Variants in SPATA7 observed in about 807,000 individuals in gnomAD.
SPATA7 encodes spermatogenesis-associated protein 7.
Under a neutral mutation model 51.8 loss-of-function variants are expected in SPATA7, and 43 were observed. That is an observed-to-expected ratio of 0.83 (90% confidence interval 0.65 to 1.07). The LOEUF (loss-of-function observed/expected upper bound fraction) is 1.07, where lower values mean the gene tolerates loss of function less well. Ranked by LOEUF, SPATA7 falls within the 50% of genes least tolerant of loss-of-function variation. The probability of loss-of-function intolerance (pLI) is 0.00; values close to 1 mark genes in which losing one functional copy is unlikely to be tolerated. For synonymous variants in SPATA7, 230 were observed against 252.8 expected, an observed-to-expected ratio of 0.91 and a Z score of 0.86; for missense variants, 683 against 701.3, an observed-to-expected ratio of 0.97 and a Z score of 0.30.
intron 4 of SPATA7, among the ~76,000 whole-genome samples, chr14:88,409,530 CA>C (rs201080812): frequency 0.015 from 2,237 of 151,354 alleles, 49 homozygotes; most frequent in African/African-American, 0.047. Context: ...TTCATCTTTT[CA>C]AAAAAACAGC....
At chr14:88,412,701 G>GT (rs564651138) in intron 4 of SPATA7, among the ~76,000 whole-genome samples, 1 of 152,134 alleles carries the variant, frequency 6.6e-6, no homozygotes, top group Non-Finnish European at 1.5e-5. Context: ...CTTGATATTA[G>GT]TTTTTTGTCA....
intron 10 of SPATA7, among the ~76,000 whole-genome samples, chr14:88,435,468 T>C (rs545029212): frequency 6.6e-6 from 1 of 152,304 alleles, no homozygotes; most frequent in South Asian, 2.1e-4. Flanking sequence ...ATTTTAAATG[T>C]ACAATTAAGT....
At chr14:88,451,241 C>G (rs2077248398) in intron 3 of SPATA7, among the ~76,000 whole-genome samples, 1 of 152,186 alleles carries the variant, frequency 6.6e-6, no homozygotes, top group South Asian at 2.1e-4. Context: ...GCAATCTTGG[C>G]TACCTGCAAC....
At chr14:88,431,952 T>C (rs1318505441) in intron 9 of SPATA7, among the ~76,000 whole-genome samples, 1 of 152,228 alleles carries the variant, frequency 6.6e-6, no homozygotes, top group Non-Finnish European at 1.5e-5. Context: ...CGAATTTTTT[T>C]GAGAAATAAT....
chr14:88,447,455 A>C (rs1017410198), intron 3 of SPATA7, among the ~76,000 whole-genome samples: 5,567 of 151,838 alleles, frequency 0.037, 331 homozygotes, highest in African/African-American at 0.13. Flanking sequence ...CAGTCTGTAT[A>C]TTTTAATTGG....
In SPATA7 at chr14:88,447,505, G is replaced by A. The variant is rs552295737; in HGVS notation, c.178-7555G>A. Among the ~76,000 whole-genome samples, 120 of 152,184 alleles carry A rather than the reference G, an allele frequency of 7.9e-4. 2 individuals carry two copies. Among genetic ancestry groups the A allele is most frequent in the Non-Finnish European group, 1.0e-3 (69 of 68,034 alleles). ...TTACATTTAAAGTTAATATTGTAATGTGTGAATTTGATCCTGTCATTATGA... is the reference window on the plus strand; with the variant it reads ...TTACATTTAAAGTTAATATTGTAATATGTGAATTTGATCCTGTCATTATGA... On this transcript the variant is annotated intron_variant, in intron 3 of 3. Coordinates refer to the SPATA7 transcript ENST00000554802.
At chr14:88,386,199 T>G (rs2075570337) in intron 1 of SPATA7, among the ~76,000 whole-genome samples, 1 of 152,140 alleles carries the variant, frequency 6.6e-6, no homozygotes, top group Non-Finnish European at 1.5e-5. Context: ...CTGCTCTCCA[T>G]GGAGACGACC....
chr14:88,426,954 C>A (rs967967196), intron 6 of SPATA7, among the ~76,000 whole-genome samples: 4 of 152,056 alleles, frequency 2.6e-5, no homozygotes, highest in Non-Finnish European at 5.9e-5. Flanking sequence ...AAGCGTGGTT[C>A]AAGAATTGTG....
intron 7 of SPATA7, 84 bp downstream of exon 7, chr14:88,427,780 CTG>C (rs1231638801): frequency 4.8e-5 from 48 of 993,374 alleles, no homozygotes; most frequent in Non-Finnish European, 6.5e-5. Flanking sequence ...GCTATTTAGA[CTG>C]TGAAGAATAA....
At chr14:88,390,769 TGA>T (rs1388513813) in intron 1 of SPATA7, among the ~76,000 whole-genome samples, 4 of 152,184 alleles carry the variant, frequency 2.6e-5, no homozygotes, top group Non-Finnish European at 4.4e-5. Flanking sequence ...GAGGTTTTTC[TGA>T]GAGTTTGTTG....
At chr14:88,465,052 C>T (rs1395960251) in intron 4 of SPATA7, among the ~76,000 whole-genome samples, 3 of 152,182 alleles carry the variant, frequency 2.0e-5, no homozygotes, top group Non-Finnish European at 4.4e-5. Flanking sequence ...AGCACAGGCC[C>T]AGCTTCTAAT....
exon 5 of SPATA7, chr14:88,470,222 GAA>G: frequency 6.3e-6 from 4 of 637,298 alleles, no homozygotes; most frequent in Non-Finnish European, 8.0e-6. Flanking sequence ...TTTCCCTTGT[GAA>G]TACAATTTGC....
rs2077411065 is a variant in SPATA7 at position 88,469,008 on chromosome 14, G to A, written c.255-839G>A. On this transcript the variant is annotated intron_variant, in intron 4 of 4. Coordinates refer to the SPATA7 transcript ENST00000556406. The surrounding 1 kb of genome is among the most constrained non-coding windows in gnomAD (Gnocchi z 4.3). ...GCACTGCAGTGGACCAACAACGGAG[G>A]GTTGGGGCTTTGGGGATCACTTGTG... 3 of 1,614,140 alleles carry A rather than the reference G, an allele frequency of 1.9e-6. No individual in the cohort carries two copies. Among genetic ancestry groups the A allele is most frequent in the Non-Finnish European group, 2.5e-6 (3 of 1,180,018 alleles).
chr14:88,408,968 G>A (rs779870614), intron 4 of SPATA7, among the ~76,000 whole-genome samples: 7 of 152,132 alleles, frequency 4.6e-5, no homozygotes, highest in East Asian at 1.9e-4. Context: ...CAACTTGATC[G>A]TGGTGGATAA....
chr14:88,421,443 T>TA (rs936703727), intron 5 of SPATA7, among the ~76,000 whole-genome samples: 5 of 152,304 alleles, frequency 3.3e-5, no homozygotes, highest in African/African-American at 1.2e-4. Flanking sequence ...AAGGCTGTAA[T>TA]AATGAGTCTG....
At chr14:88,401,643 G>A (rs1188344605) in intron 4 of SPATA7, among the ~76,000 whole-genome samples, 1 of 151,848 alleles carries the variant, frequency 6.6e-6, no homozygotes, top group Non-Finnish European at 1.5e-5. Context: ...GCCAGCCTGG[G>A]CAACATAGTA....
chr14:88,448,716 A>G (rs1471949365), intron 3 of SPATA7, among the ~76,000 whole-genome samples: 3 of 152,078 alleles, frequency 2.0e-5, no homozygotes, highest in Non-Finnish European at 2.9e-5. Flanking sequence ...CAGGACCCTC[A>G]GCTGCAGGTC....
chr14:88,458,412 G>T (rs1316801196), downstream of SPATA7, among the ~76,000 whole-genome samples: 2 of 152,106 alleles, frequency 1.3e-5, no homozygotes, highest in Admixed American at 6.6e-5. Flanking sequence ...TCCTGTTATT[G>T]GTCTATTCAG....
At chr14:88,403,502 C>G (rs904340227) in intron 4 of SPATA7, among the ~76,000 whole-genome samples, 3 of 152,158 alleles carry the variant, frequency 2.0e-5, no homozygotes, top group African/African-American at 7.2e-5. Flanking sequence ...ACCCACACCA[C>G]ATTTATAACA....
Sources: gnomAD v4.1 joint callset for allele counts (sites outside exome capture counted in the v4.1 genomes callset) on GRCh38, gnomAD v4.1.1 for gene constraint, Gnocchi (gnomAD v3.1) non-coding constraint, MANE v1.5 for transcripts, NCBI Gene and HGNC (gene_info 2026-07-23, HGNC 2026-07-21) for gene names.